Variants in TENM4 observed in about 807,000 individuals in gnomAD.
The protein encoded by TENM4 is teneurin-4.
Under a neutral mutation model 243.3 loss-of-function variants are expected in TENM4, and 82 were observed. The ratio of observed to expected loss-of-function variants is 0.34; its 90% confidence interval spans 0.28 to 0.40. TENM4 has a LOEUF of 0.40. TENM4 is among the 10% of genes least tolerant of loss of function. The pLI is 1.00. For synonymous variants in TENM4, 1,412 were observed against 1,456.3 expected (o/e 0.97, Z 0.69); for missense variants, 3,138 against 3,673.3 (o/e 0.85, Z 3.77).
intron 28 of TENM4, among the ~76,000 whole-genome samples, chr11:78,695,096 G>C (rs922136966): frequency 1.3e-5 from 2 of 151,844 alleles, no homozygotes; most frequent in African/African-American, 2.4e-5. Flanking sequence ...GCCCAGGCTG[G>C]AGTGCAGTGG....
At chr11:78,675,202 C>G (rs1858436979) in intron 30 of TENM4, among the ~76,000 whole-genome samples, 1 of 152,108 alleles carries the variant, frequency 6.6e-6, no homozygotes, top group Non-Finnish European at 1.5e-5. Context: ...CGCTATGAGA[C>G]TCTGGAAAAA....
chr11:79,011,928 A>G (rs748287845), intron 6 of TENM4, among the ~76,000 whole-genome samples: 2 of 152,164 alleles, frequency 1.3e-5, no homozygotes, highest in Non-Finnish European at 2.9e-5. Flanking sequence ...TCCTTTCTTT[A>G]GATGAAACCC....
chr11:79,171,026 C>T (rs770953241), intron 3 of TENM4, among the ~76,000 whole-genome samples: 5 of 152,138 alleles, frequency 3.3e-5, no homozygotes, highest in African/African-American at 4.8e-5. Context: ...ATAACTCCCC[C>T]AGCCCCGTGA....
chr11:78,882,134 C>T (rs1167148493), intron 9 of TENM4, among the ~76,000 whole-genome samples: 2 of 152,176 alleles, frequency 1.3e-5, no homozygotes, highest in African/African-American at 4.8e-5. Flanking sequence ...GGAAAATGAG[C>T]CTTACTGCAC....
At chr11:78,822,926 G>T (rs1230468132) in intron 12 of TENM4, among the ~76,000 whole-genome samples, 1 of 152,124 alleles carries the variant, frequency 6.6e-6, no homozygotes, top group Non-Finnish European at 1.5e-5. Flanking sequence ...CCCTCCCTGC[G>T]GTTCCTGAGA....
chr11:78,758,086 A>C (rs1294108533), intron 18 of TENM4, among the ~76,000 whole-genome samples: 10 of 152,218 alleles, frequency 6.6e-5, no homozygotes, highest in African/African-American at 1.9e-4. Context: ...TAGTGTCCAA[A>C]GTGGTGGACA....
rs35793375 is a variant in TENM4, at chr11:79,318,472, GA to G, written c.-320-20930del. 2.6e-5 allele frequency among the ~76,000 whole-genome samples: 4 copies of G among 151,784 alleles called. No homozygotes were observed. The South Asian group carries it at 6.2e-4, about 24-fold the overall frequency. ...TGACAACTGACTTTCCAGAAGAGGGGAAAAAAAAGGCTTGATTTGTAGTGTT... is the reference window on the plus strand; with the variant it reads ...TGACAACTGACTTTCCAGAAGAGGGGAAAAAAAGGCTTGATTTGTAGTGTT... On this transcript the variant is annotated intron_variant, in intron 1 of 33. Coordinates refer to ENST00000278550, the MANE Select transcript of TENM4 (RefSeq NM_001098816.3).
intron 4 of TENM4, among the ~76,000 whole-genome samples, chr11:79,080,334 C>T (rs139029731): frequency 6.4e-4 from 98 of 152,328 alleles, no homozygotes; most frequent in African/African-American, 2.2e-3. Flanking sequence ...AGGACAAACA[C>T]GTCTACAGGT....
intron 15 of TENM4, among the ~76,000 whole-genome samples, chr11:78,800,927 A>T (rs1857268990): frequency 6.6e-6 from 1 of 152,132 alleles, no homozygotes; most frequent in Admixed American, 6.5e-5. Flanking sequence ...CAGTTTCCTT[A>T]TCTGGAAATG....
rs1858238711 is a variant in TENM4, at chr11:78,669,040, C to A, written c.7305G>T (p.Leu2435=). The change falls in exon 32 of 34, where the codon CTG becomes CTT. Residue 2435 remains leucine (L), a synonymous_variant. Transcript: ENST00000278550. The surrounding 1 kb of genome is among the most constrained non-coding windows in gnomAD (Gnocchi z 6.4). The stretch of plus-strand genomic sequence containing the variant: ...CGTTGCTGCTACTAAGGTGCTTCCA[C>A]AGCTCGTGGTCTGGGCTAGTCCAGC... ...AGRWTSPDHE[L]WKHLSSSNVM... The A allele has an allele frequency of 6.2e-7, 1 of 1,613,968 alleles. No individual in the cohort carries two copies. Among genetic ancestry groups the A allele is most frequent in the East Asian group, 2.2e-5 (1 of 44,876 alleles).
intron 6 of TENM4, among the ~76,000 whole-genome samples, chr11:78,995,334 TG>T (rs1324159455): frequency 6.6e-6 from 1 of 152,064 alleles, no homozygotes; most frequent in African/African-American, 2.4e-5. Flanking sequence ...CTGAGGGCAA[TG>T]GGGGAGCCAT....
intron 15 of TENM4, among the ~76,000 whole-genome samples, chr11:78,801,261 A>G (rs1857276263): frequency 6.6e-6 from 1 of 152,306 alleles, no homozygotes; most frequent in South Asian, 2.1e-4. Context: ...CAGCAACAGC[A>G]GTAGCCACCT....
chr11:78,946,899 G>T (rs890020819), intron 6 of TENM4, among the ~76,000 whole-genome samples: 1 of 152,200 alleles, frequency 6.6e-6, no homozygotes, highest in Admixed American at 6.5e-5. Context: ...ATGAGGAGTT[G>T]CTTCTTATGG....
At chr11:78,946,816 G>A (rs749341515) in intron 6 of TENM4, among the ~76,000 whole-genome samples, 3 of 152,186 alleles carry the variant, frequency 2.0e-5, no homozygotes, top group Non-Finnish European at 2.9e-5. Flanking sequence ...TGTGTTGGTA[G>A]TAGCAAGAAA....
At position 79,351,082 on chromosome 11, in the gene TENM4, C is replaced by T. The variant is rs1170706103; in HGVS notation, c.-320-53539G>A. On this transcript the variant is annotated intron_variant, in intron 1 of 33. Coordinates refer to ENST00000278550, the MANE Select transcript of TENM4 (RefSeq NM_001098816.3). Reference sequence around the variant, plus strand: ...CATGGGCCTACCTCAAGGCTGTATACTTGCTGTTGTCTGCCAGGAATGCTT... The same window carrying T: ...CATGGGCCTACCTCAAGGCTGTATATTTGCTGTTGTCTGCCAGGAATGCTT... Among the ~76,000 whole-genome samples, 11 of 152,260 alleles carry T rather than the reference C, an allele frequency of 7.2e-5. No individual in the cohort carries two copies. In the East Asian group the frequency reaches 2.1e-3, roughly 29 times the overall value.
intron 28 of TENM4, among the ~76,000 whole-genome samples, chr11:78,690,580 C>T (rs485325): frequency 0.44 from 66,156 of 151,986 alleles, 17,836 homozygotes; most frequent in Non-Finnish European, 0.6. Flanking sequence ...GCCTTAAATT[C>T]CAGGCTGTGC....
rs141233510 is a variant in TENM4, at chr11:79,189,683, T to A, written c.-163+26125A>T. On this transcript the variant is annotated intron_variant, in intron 3 of 33. Transcript: ENST00000278550. ...GGATATGTAGTGCCTGTGTAAGGTG[T>A]TGTAGGGCCTCCATAAGTATTTGCC... is the stretch of plus-strand genomic sequence containing the variant. Among the ~76,000 whole-genome samples, 460 of 152,350 alleles carry A rather than the reference T, an allele frequency of 3.0e-3. 1 individual carries two copies. The highest frequency in any genetic ancestry group is 0.011 in the African/African-American group (444 of 41,576).
intron 19 of TENM4, among the ~76,000 whole-genome samples, chr11:78,751,677 C>T (rs781127785): frequency 1.3e-5 from 2 of 152,196 alleles, no homozygotes; most frequent in Non-Finnish European, 2.9e-5. Context: ...ATCTGACCCA[C>T]ATCCAGCCCT....
chr11:78,966,193 T>TAAAAAAA (rs34603312), intron 6 of TENM4, among the ~76,000 whole-genome samples: 1 of 131,604 alleles, frequency 7.6e-6, no homozygotes, highest in Non-Finnish European at 1.6e-5. Context: ...AAAGGAAAAT[T>TAAAAAAA]AAAAAAAAAA....
Sources: allele counts gnomAD v4.1 joint callset (sites outside exome capture counted in the v4.1 genomes callset), GRCh38; gene constraint gnomAD v4.1.1; non-coding constraint Gnocchi (gnomAD v3.1); transcripts MANE v1.5; gene names NCBI Gene and HGNC (gene_info 2026-07-23, HGNC 2026-07-21).